The following SLC4A4 variants were observed in gnomAD, a reference collection of about 807,000 sequenced individuals.
SLC4A4 encodes the protein solute carrier family 4 member 4.
SLC4A4 carries 27 observed loss-of-function variants against 111.5 expected under a neutral mutation model. The observed-to-expected ratio is 0.24, with a 90% CI of 0.18 to 0.33. The LOEUF (loss-of-function observed/expected upper bound fraction) is 0.33, where lower values mean the gene tolerates loss of function less well. Among genes scored for constraint, SLC4A4 ranks in the 10% least tolerant of loss-of-function variants. The pLI, the probability that SLC4A4 is intolerant of heterozygous loss-of-function variation, is 1.00. For synonymous variants in SLC4A4, 443 were observed against 463.4 expected, an observed-to-expected ratio of 0.96 and a Z score of 0.57; for missense variants, 909 against 1,315.5, an observed-to-expected ratio of 0.69 and a Z score of 4.78.
intron 2 of SLC4A4, among the ~76,000 whole-genome samples, chr4:71,093,334 A>C (rs1437602690): frequency 6.6e-6 from 1 of 151,332 alleles, no homozygotes; most frequent in Non-Finnish European, 1.5e-5. Flanking sequence ...TTCCCAGCTA[A>C]TTTTTGTATT....
chr4:71,531,744 C>A (rs1733929756), intron 16 of SLC4A4, among the ~76,000 whole-genome samples: 1 of 144,688 alleles, frequency 6.9e-6, no homozygotes, highest in Non-Finnish European at 1.5e-5. Flanking sequence ...ATTTGATTGC[C>A]CTCCCTGCCT....
intron 12 of SLC4A4, among the ~76,000 whole-genome samples, chr4:71,459,443 A>G (rs967487033): frequency 1.3e-5 from 2 of 152,064 alleles, no homozygotes; most frequent in Non-Finnish European, 2.9e-5. Context: ...ATTCATGTGT[A>G]TACAGATAGA....
intron 6 of SLC4A4, among the ~76,000 whole-genome samples, chr4:71,363,619 G>A (rs1730994634): frequency 6.6e-6 from 1 of 152,268 alleles, no homozygotes; most frequent in African/African-American, 2.4e-5. Flanking sequence ...TCTCAGATAG[G>A]TCAGTTGACA....
At chr4:71,195,145 G>T (rs1350294693) in intron 1 of SLC4A4, among the ~76,000 whole-genome samples, 2 of 150,854 alleles carry the variant, frequency 1.3e-5, no homozygotes, top group Admixed American at 6.6e-5. Flanking sequence ...GCTTGCAGCA[G>T]AAGAAACTTG....
At chr4:71,080,303 G>T (rs78303856) in intron 1 of SLC4A4, among the ~76,000 whole-genome samples, 2,140 of 152,116 alleles carry the variant, frequency 0.014, 83 homozygotes, top group African/African-American at 0.049. Flanking sequence ...GGGTCTACTG[G>T]GGTCAGCGTG....
chr4:71,442,477 A>G (rs1724822315), intron 8 of SLC4A4, among the ~76,000 whole-genome samples: 1 of 152,210 alleles, frequency 6.6e-6, no homozygotes, highest in African/African-American at 2.4e-5. Flanking sequence ...CTGAACTAGT[A>G]CAAGCCTTAA....
At chr4:71,283,439 A>G (rs182488222) in intron 3 of SLC4A4, among the ~76,000 whole-genome samples, 2 of 152,116 alleles carry the variant, frequency 1.3e-5, no homozygotes, top group Non-Finnish European at 2.9e-5. Flanking sequence ...GGTTTGCCTC[A>G]GTTGCTTTGA....
At chr4:71,233,492 G>A (rs1406888283) in intron 1 of SLC4A4, among the ~76,000 whole-genome samples, 1 of 152,088 alleles carries the variant, frequency 6.6e-6, no homozygotes, top group Non-Finnish European at 1.5e-5. Flanking sequence ...TGCTCTGCTT[G>A]TAAATGTTGG....
intron 1 of SLC4A4, 25 bp from the exon 2 acceptor site, chr4:71,236,551 C>A: frequency 6.2e-7 from 1 of 1,605,290 alleles, no homozygotes; most frequent in Non-Finnish European, 8.5e-7. Context: ...TCTGAGCATT[C>A]TTTTTTTCTT....
intron 2 of SLC4A4, among the ~76,000 whole-genome samples, chr4:71,121,550 C>T (rs1385700749): frequency 7.2e-5 from 11 of 152,130 alleles, no homozygotes; most frequent in Admixed American, 7.2e-4. Flanking sequence ...CACTCTGTAT[C>T]TAGCTAATCT....
At chr4:71,326,972 C>G (rs180771157) in intron 3 of SLC4A4, among the ~76,000 whole-genome samples, 4 of 151,972 alleles carry the variant, frequency 2.6e-5, no homozygotes, top group African/African-American at 9.7e-5. Flanking sequence ...TCTTTTTATA[C>G]TTTGGTTTGA....
chr4:71,503,878 C>A (rs1401623293), intron 16 of SLC4A4, among the ~76,000 whole-genome samples: 2 of 152,094 alleles, frequency 1.3e-5, no homozygotes, highest in Non-Finnish European at 2.9e-5. Flanking sequence ...ATAATGAATT[C>A]CCTCAGCTTT....
chr4:71,313,137 GACAA>G (rs995557076), intron 3 of SLC4A4, among the ~76,000 whole-genome samples: 21 of 152,264 alleles, frequency 1.4e-4, no homozygotes, highest in African/African-American at 4.6e-4. Flanking sequence ...ACCAAAAATA[GACAA>G]ACAGAGAGTC....
At chr4:71,079,249 A>G (rs1309392662) in intron 1 of SLC4A4, among the ~76,000 whole-genome samples, 2 of 152,010 alleles carry the variant, frequency 1.3e-5, no homozygotes, top group Non-Finnish European at 2.9e-5. Flanking sequence ...TAGGAAGGAG[A>G]GAGGGTGTTT....
chr4:71,546,238 AC>A, intron 18 of SLC4A4, 111 bp from the exon 19 acceptor site: 1 of 926,354 alleles, frequency 1.1e-6, no homozygotes, highest in East Asian at 2.4e-5. Context: ...AGTTTAACTT[AC>A]CAAGCAAAGC....
At chr4:71,242,261 A>G (rs1720305406) in intron 2 of SLC4A4, among the ~76,000 whole-genome samples, 1 of 152,178 alleles carries the variant, frequency 6.6e-6, no homozygotes, top group Non-Finnish European at 1.5e-5. Flanking sequence ...GAAATAGTAC[A>G]CTTATAGCAG....
chr4:71,469,720 C>T (rs1468256017), intron 13 of SLC4A4, among the ~76,000 whole-genome samples: 2 of 151,642 alleles, frequency 1.3e-5, no homozygotes, highest in African/African-American at 2.4e-5. Flanking sequence ...TCCCTTATTC[C>T]TCTTTCTTCT....
chr4:71,195,377 A>G (rs1745948188), intron 1 of SLC4A4, among the ~76,000 whole-genome samples: 1 of 151,882 alleles, frequency 6.6e-6, no homozygotes, highest in African/African-American at 2.4e-5. Context: ...TCTACATTTT[A>G]TAAGGACGTT....
chr4:71,195,263 T>A (rs902422094), intron 1 of SLC4A4, among the ~76,000 whole-genome samples: 1 of 147,382 alleles, frequency 6.8e-6, no homozygotes, highest in Non-Finnish European at 1.5e-5. Context: ...TTTAAAGAGC[T>A]TATGGGGGTC....
Sources: gnomAD v4.1 joint callset for allele counts (sites outside exome capture counted in the v4.1 genomes callset) on GRCh38, gnomAD v4.1.1 for gene constraint, MANE v1.5 for transcripts, NCBI Gene and HGNC (gene_info 2026-07-23, HGNC 2026-07-21) for gene names.